SLC30A8: variants seen among roughly 807,000 people sequenced by gnomAD.
SLC30A8 encodes proton-coupled zinc antiporter SLC30A8.
Under a neutral mutation model 36.9 loss-of-function variants are expected in SLC30A8, and 27 were observed. That is an observed-to-expected ratio of 0.73 (90% CI 0.54 to 1.01). The LOEUF (loss-of-function observed/expected upper bound fraction) is 1.01, where lower values mean the gene tolerates loss of function less well. Among genes scored for constraint, SLC30A8 ranks in the 50% least tolerant of loss-of-function variants. SLC30A8 has a pLI of 0.00. For missense variants in SLC30A8, 439 were observed against 452.0 expected (o/e 0.97, Z 0.26); for synonymous variants, 164 against 172.4 (o/e 0.95, Z 0.38).
chr8:117,016,776 T>C (rs529183031), intron 1 of SLC30A8, among the ~76,000 whole-genome samples: 1 of 152,296 alleles, frequency 6.6e-6, no homozygotes, highest in Admixed American at 6.5e-5. Context: ...GTCATGAGGG[T>C]AGACGCTTAA....
intron 2 of SLC30A8, among the ~76,000 whole-genome samples, chr8:117,104,244 T>C (rs1053315520): frequency 2.0e-5 from 3 of 152,184 alleles, no homozygotes; most frequent in Admixed American, 2.0e-4. Flanking sequence ...GTAGTTTCTT[T>C]CTCCATTTCT....
At chr8:117,117,120 A>C (rs1017040076) in intron 2 of SLC30A8, among the ~76,000 whole-genome samples, 1 of 151,956 alleles carries the variant, frequency 6.6e-6, no homozygotes, top group Non-Finnish European at 1.5e-5. Context: ...AGAATAATTT[A>C]TCTTTATATG....
intron 2 of SLC30A8, among the ~76,000 whole-genome samples, chr8:117,122,155 T>G (rs1820719796): frequency 6.6e-6 from 1 of 151,954 alleles, no homozygotes; most frequent in Non-Finnish European, 1.5e-5. Flanking sequence ...GAAGCAGTGA[T>G]AAGACTGGCC....
intron 1 of SLC30A8, among the ~76,000 whole-genome samples, chr8:116,994,940 G>A (rs570435013): frequency 1.3e-5 from 2 of 152,040 alleles, no homozygotes; most frequent in Non-Finnish European, 2.9e-5. Flanking sequence ...ATGTAATCAG[G>A]ATAATAATGT....
At chr8:117,006,881 C>CAAG (rs1208582501) in intron 1 of SLC30A8, 2 of 135,438 alleles carry the variant, frequency 1.5e-5, no homozygotes, top group Non-Finnish European at 3.1e-5. Context: ...CTCCCAGGTT[C>CAAG]AAGTGATTCT....
At chr8:117,097,895 TTATATATAATATATA>T (rs1819511345) in intron 2 of SLC30A8, among the ~76,000 whole-genome samples, 1 of 99,472 alleles carries the variant, frequency 1.0e-5, no homozygotes, top group African/African-American at 4.3e-5. Context: ...TAAATATATA[TTATATATAATATATA>T]ATTTTAAATA....
chr8:117,025,476 A>G (rs1816844672), intron 1 of SLC30A8, among the ~76,000 whole-genome samples: 1 of 152,222 alleles, frequency 6.6e-6, no homozygotes, highest in African/African-American at 2.4e-5. Flanking sequence ...TGTCCCTTGC[A>G]CAATTAAGCA....
In SLC30A8 at chr8:117,018,673, C is replaced by G. The variant is rs1009687719; in HGVS notation, c.-265-20546C>G. On this transcript the variant is annotated intron_variant, in intron 1 of 10. Transcript: ENST00000427715. Reference sequence around the variant, plus strand: ...GGCCAAATCTGACTAGCCCCCCCCCCCCTTTTTTTTTTTGATGGAGTCTTG... The same window carrying G: ...GGCCAAATCTGACTAGCCCCCCCCCGCCTTTTTTTTTTTGATGGAGTCTTG... Among the ~76,000 whole-genome samples, 952 of 124,994 alleles carry G rather than the reference C, an allele frequency of 7.6e-3. 21 individuals carry two copies. Among genetic ancestry groups the G allele is most frequent in the African/African-American group, 0.026 (893 of 33,732 alleles). 82.0% of individuals were successfully genotyped at this position (124,994 alleles called of 152,430 possible). A position where few individuals can be genotyped will look rare whatever the true frequency, so the allele number is the denominator to read the frequency against.
chr8:117,171,284 A>G, intron 7 of SLC30A8, 116 bp downstream of exon 7: 2 of 1,222,014 alleles, frequency 1.6e-6, no homozygotes, highest in African/African-American at 1.5e-5. Context: ...AAAACATTAT[A>G]AAGTGTTTTC....
At chr8:117,045,103 G>A (rs1450319628) in intron 2 of SLC30A8, among the ~76,000 whole-genome samples, 2 of 152,160 alleles carry the variant, frequency 1.3e-5, no homozygotes, top group African/African-American at 2.4e-5. Context: ...TCCTTTCAGC[G>A]GTGTAACTGG....
intron 1 of SLC30A8, among the ~76,000 whole-genome samples, chr8:117,003,917 C>G (rs1192191322): frequency 6.6e-6 from 1 of 152,072 alleles, no homozygotes; most frequent in Admixed American, 6.6e-5. Context: ...AATTTTTGGT[C>G]CTGAAAAGAA....
At chr8:116,955,251 G>A (rs921028395) in intron 1 of SLC30A8, among the ~76,000 whole-genome samples, 1 of 152,212 alleles carries the variant, frequency 6.6e-6, no homozygotes, top group Non-Finnish European at 1.5e-5. Flanking sequence ...AATTAATTAA[G>A]ATAAGGTCAT....
intron 3 of SLC30A8, 141 bp from the exon 4 acceptor site, chr8:117,157,550 C>A: frequency 1.1e-6 from 1 of 881,140 alleles, no homozygotes; most frequent in Non-Finnish European, 1.7e-6. Flanking sequence ...TCCATCCACA[C>A]TTTTACTTTG....
chr8:117,096,932 C>G (rs991859967), intron 2 of SLC30A8, among the ~76,000 whole-genome samples: 1 of 152,050 alleles, frequency 6.6e-6, no homozygotes, highest in African/African-American at 2.4e-5. Flanking sequence ...ATTACTGCCA[C>G]TGGAGCTGGA....
At chr8:117,063,817 A>C (rs771470681) in intron 2 of SLC30A8, among the ~76,000 whole-genome samples, 10 of 152,138 alleles carry the variant, frequency 6.6e-5, no homozygotes, top group Non-Finnish European at 1.3e-4. Context: ...CACATTTGAC[A>C]TGTGATTTTT....
chr8:117,070,308 T>A (rs944365307), intron 2 of SLC30A8, among the ~76,000 whole-genome samples: 2 of 152,178 alleles, frequency 1.3e-5, no homozygotes, highest in Non-Finnish European at 2.9e-5. Flanking sequence ...TGGACTGGGC[T>A]GGAAGGTCTG....
intron 2 of SLC30A8, among the ~76,000 whole-genome samples, chr8:117,088,383 G>C (rs1373551744): frequency 1.7e-4 from 26 of 152,100 alleles, no homozygotes; most frequent in Admixed American, 1.7e-3. Flanking sequence ...CCTTATTCCT[G>C]GAGTCCAGTA....
rs1304454124 is a variant in SLC30A8, at chr8:117,172,651, C to T, written c.1080C>T (p.Asp360=). ...AATCTCCAGTTGACCAGGACCCCGA[C>T]TGCCTTTTCTGTGAAGACCCCTGTG... ...QMESPVDQDP[D]CLFCEDPCD The change falls in exon 8 of 8, where the codon GAC becomes GAT. Residue 360 remains aspartate (D), a synonymous_variant. Transcript: ENST00000456015. 1.9e-6 allele frequency: 3 copies of T among 1,613,730 alleles called. No individual in the cohort carries two copies. Among genetic ancestry groups the T allele is most frequent in the South Asian group, 2.2e-5 (2 of 91,084 alleles).
At chr8:116,961,504 A>G (rs1563723887) in intron 1 of SLC30A8, among the ~76,000 whole-genome samples, 2 of 152,026 alleles carry the variant, frequency 1.3e-5, no homozygotes, top group Non-Finnish European at 2.9e-5. Flanking sequence ...AATAAAAGAC[A>G]TGAATGAGAT....
Sources: allele counts gnomAD v4.1 joint callset (sites outside exome capture counted in the v4.1 genomes callset), GRCh38; gene constraint gnomAD v4.1.1; transcripts MANE v1.5; gene names NCBI Gene and HGNC (gene_info 2026-07-23, HGNC 2026-07-21).